Variants in ERG observed in about 807,000 individuals in gnomAD.
ERG encodes transcriptional regulator ERG.
In ERG, 9 loss-of-function variants were observed where a neutral mutation model predicts 55.3. The observed-to-expected ratio is 0.16, with a 90% CI of 0.10 to 0.28. The LOEUF (loss-of-function observed/expected upper bound fraction) is 0.28, where lower values mean the gene tolerates loss of function less well. ERG is among the 10% of genes least tolerant of loss of function. The probability of loss-of-function intolerance (pLI) is 1.00; values close to 1 mark genes in which losing one functional copy is unlikely to be tolerated. For missense variants in ERG, 434 were observed against 631.6 expected, an observed-to-expected ratio of 0.69 and a Z score of 3.35; for synonymous variants, 223 against 237.3, an observed-to-expected ratio of 0.94 and a Z score of 0.55.
chr21:38,574,814 GA>G (rs2059984871), intron 2 of ERG, among the ~76,000 whole-genome samples: 1 of 152,200 alleles, frequency 6.6e-6, no homozygotes, highest in Non-Finnish European at 1.5e-5. Flanking sequence ...GGAAAGTGAA[GA>G]ACTGGCCATG....
chr21:38,660,901 G>A (rs2060550774), intron 1 of ERG, among the ~76,000 whole-genome samples: 1 of 152,044 alleles, frequency 6.6e-6, no homozygotes, highest in Admixed American at 6.5e-5. Flanking sequence ...GTGTCCGTGC[G>A]CGCGCCCTCG....
chr21:38,406,296 C>T (rs189160182), intron 3 of ERG, among the ~76,000 whole-genome samples: 11 of 152,146 alleles, frequency 7.2e-5, no homozygotes, highest in African/African-American at 2.7e-4. Flanking sequence ...GTCATCCAAA[C>T]ACTTGGAAAC....
chr21:38,519,933 C>G (rs1193886335), intron 2 of ERG, among the ~76,000 whole-genome samples: 3 of 151,898 alleles, frequency 2.0e-5, no homozygotes, highest in Non-Finnish European at 4.4e-5. Context: ...GGAAACTCAG[C>G]TTGGACACTG....
At chr21:38,400,793 G>C (rs1013320571) in intron 5 of ERG, 148 bp from the exon 6 acceptor site, 1 of 610,142 alleles carries the variant, frequency 1.6e-6, no homozygotes, top group Non-Finnish European at 3.0e-6. Context: ...GAAACAGACA[G>C]GTGCACCTGT....
chr21:38,537,767 T>C (rs756660643), intron 2 of ERG, among the ~76,000 whole-genome samples: 1 of 152,172 alleles, frequency 6.6e-6, no homozygotes, highest in African/African-American at 2.4e-5. Flanking sequence ...GTCTAGTGAT[T>C]CAAAAATTAA....
Position 38,626,544 on chromosome 21 carries a change from T to C in ERG, c.-150+35114A>G, listed in dbSNP as rs376947922. Among the ~76,000 whole-genome samples, 48 of 152,280 alleles carry C rather than the reference T, an allele frequency of 3.2e-4. 1 individual carries two copies. In the South Asian group the frequency reaches 9.7e-3, roughly 31 times the overall value. ...TCATTGGTAGGGCCACATTACAACA[T>C]GTGACCTTTTAAGGTCAGTTTGTCA... is the stretch of plus-strand genomic sequence containing the variant. On this transcript the variant is annotated intron_variant, in intron 1 of 10. Transcript: ENST00000398910.
chr21:38,614,701 G>A (rs887616766), intron 1 of ERG, among the ~76,000 whole-genome samples: 3 of 152,228 alleles, frequency 2.0e-5, no homozygotes, highest in African/African-American at 7.2e-5. Context: ...TCAAGTCCAG[G>A]TCTCTCCTTA....
intron 1 of ERG, among the ~76,000 whole-genome samples, chr21:38,617,755 C>T (rs2060267105): frequency 6.6e-6 from 1 of 152,190 alleles, no homozygotes; most frequent in African/African-American, 2.4e-5. Flanking sequence ...TGTTTCTGTA[C>T]CATCCCCATC....
intron 2 of ERG, among the ~76,000 whole-genome samples, chr21:38,538,470 C>G (rs188136164): frequency 6.6e-5 from 10 of 151,934 alleles, no homozygotes; most frequent in African/African-American, 2.2e-4. Context: ...TCCAAAGTGA[C>G]CAAGTGACCT....
intron 1 of ERG, among the ~76,000 whole-genome samples, chr21:38,611,478 G>C (rs2060226846): frequency 6.6e-6 from 1 of 151,898 alleles, no homozygotes; most frequent in Non-Finnish European, 1.5e-5. Flanking sequence ...TGACCTCCCT[G>C]CTGCTCCTCA....
At chr21:38,504,830 T>G (rs1223129827) in intron 2 of ERG, among the ~76,000 whole-genome samples, 2 of 152,262 alleles carry the variant, frequency 1.3e-5, no homozygotes, top group Non-Finnish European at 2.9e-5. Context: ...GTCAGAGTTT[T>G]AAATGATTTT....
intron 1 of ERG, among the ~76,000 whole-genome samples, chr21:38,645,750 G>C (rs900047612): frequency 4.6e-5 from 7 of 152,178 alleles, no homozygotes; most frequent in Non-Finnish European, 4.4e-5. Context: ...AAGACAAAAA[G>C]CATCAGTGAA....
chr21:38,586,355 A>G (rs1052823184), upstream of ERG, among the ~76,000 whole-genome samples: 3 of 151,938 alleles, frequency 2.0e-5, no homozygotes, highest in Non-Finnish European at 4.4e-5. Flanking sequence ...ATGCATTGTT[A>G]TTAACTACAG....
At chr21:38,538,070 C>T (rs1490265650) in intron 2 of ERG, among the ~76,000 whole-genome samples, 1 of 152,128 alleles carries the variant, frequency 6.6e-6, no homozygotes, top group Non-Finnish European at 1.5e-5. Flanking sequence ...AAGCCATCCA[C>T]AAAAGGACAA....
intron 2 of ERG, among the ~76,000 whole-genome samples, chr21:38,426,011 G>A (rs1989808869): frequency 1.3e-5 from 2 of 152,196 alleles, no homozygotes; most frequent in Admixed American, 1.3e-4. Context: ...GGGATCTTAG[G>A]TGTTGGCAGT....
rs559211281 is a variant in ERG, at chr21:38,384,136, G to A, written c.920-213C>T. On this transcript the variant is annotated intron_variant, in intron 9 of 9. Coordinates refer to ENST00000288319, the MANE Select transcript of ERG (RefSeq NM_182918.4). ...GAACTGCCCTTGCCTGAACAGAGCC[G>A]CCGCCTCGCCCACCCCCAGGTATCC... 6.6e-5 allele frequency among the ~76,000 whole-genome samples: 10 copies of A among 152,314 alleles called. No homozygotes were observed. In the East Asian group the frequency reaches 1.4e-3, roughly 21 times the overall value.
intron 2 of ERG, among the ~76,000 whole-genome samples, chr21:38,439,979 G>T (rs910108551): frequency 1.3e-5 from 2 of 152,182 alleles, no homozygotes; most frequent in African/African-American, 4.8e-5. Context: ...AAGGAGGTGG[G>T]CCATGTTCTG....
intron 1 of ERG, among the ~76,000 whole-genome samples, chr21:38,462,250 TG>T (rs1231874763): frequency 1.3e-5 from 2 of 152,362 alleles, no homozygotes; most frequent in East Asian, 3.9e-4. Context: ...CCCAAAGTGC[TG>T]GGATTACAGT....
At chr21:38,462,135 C>T (rs905183837) in intron 1 of ERG, among the ~76,000 whole-genome samples, 7 of 152,176 alleles carry the variant, frequency 4.6e-5, no homozygotes, top group African/African-American at 1.7e-4. Flanking sequence ...TACCCGCCAC[C>T]ACGCCTGGCT....
Sources: gnomAD v4.1 joint callset for allele counts (sites outside exome capture counted in the v4.1 genomes callset) on GRCh38, gnomAD v4.1.1 for gene constraint, MANE v1.5 for transcripts, NCBI Gene and HGNC (gene_info 2026-07-23, HGNC 2026-07-21) for gene names.